The following RFWD3 variants were observed in gnomAD, a reference collection of about 807,000 sequenced individuals.
The protein encoded by RFWD3 is ring finger and WD repeat domain 3.
Under a neutral mutation model 87.7 loss-of-function variants are expected in RFWD3, and 65 were observed. The observed-to-expected ratio is 0.74, with a 90% CI of 0.61 to 0.91. The LOEUF (loss-of-function observed/expected upper bound fraction) is 0.91. RFWD3 is among the 40% of genes least tolerant of loss of function. The pLI is 0.00. For missense variants in RFWD3, 1,078 were observed against 938.5 expected (o/e 1.15, Z -1.94); for synonymous variants, 433 against 352.8 (o/e 1.23, Z -2.55).
At chr16:74,661,921 A>G (rs1961473206) in intron 1 of RFWD3, among the ~76,000 whole-genome samples, 1 of 152,236 alleles carries the variant, frequency 6.6e-6, no homozygotes, top group African/African-American at 2.4e-5. Flanking sequence ...TACACTTGCA[A>G]AATTAACTGT....
At chr16:74,642,722 G>C (rs1959767697) in intron 6 of RFWD3, among the ~76,000 whole-genome samples, 1 of 152,046 alleles carries the variant, frequency 6.6e-6, no homozygotes, top group Non-Finnish European at 1.5e-5. Flanking sequence ...CAAACTCCTG[G>C]TCTCAAGCAA....
chr16:74,637,321 A>T (rs879324176), intron 7 of RFWD3, among the ~76,000 whole-genome samples: 1 of 152,008 alleles, frequency 6.6e-6, no homozygotes, highest in Admixed American at 6.6e-5. Context: ...TGGCTATTTA[A>T]TTTTTTCTAA....
intron 6 of RFWD3, among the ~76,000 whole-genome samples, chr16:74,640,109 G>T (rs4346229): frequency 1.3e-5 from 2 of 151,790 alleles, no homozygotes; most frequent in Admixed American, 6.6e-5. Flanking sequence ...GTGGCTAAGG[G>T]GGGACTACTG....
intron 10 of RFWD3, among the ~76,000 whole-genome samples, chr16:74,629,053 G>C (rs1232152256): frequency 6.6e-5 from 10 of 152,180 alleles, no homozygotes; most frequent in Admixed American, 6.5e-4. Context: ...CCAAGTTGTA[G>C]TTGACAGACC....
intron 12 of RFWD3, among the ~76,000 whole-genome samples, 169 bp downstream of exon 12, chr16:74,626,174 T>C (rs1055080444): frequency 3.9e-5 from 6 of 152,168 alleles, no homozygotes; most frequent in East Asian, 1.9e-4. Flanking sequence ...GCACGACTCA[T>C]GGAAACCAAG....
At chr16:74,658,783 T>C (rs75946276) in intron 2 of RFWD3, among the ~76,000 whole-genome samples, 1 of 146,174 alleles carries the variant, frequency 6.8e-6, no homozygotes, top group African/African-American at 2.5e-5. Flanking sequence ...TTTTTTTTTT[T>C]TGAGACAGAG....
rs949592629 is a variant in RFWD3 at position 74,636,478 on chromosome 16, G to A, written c.1294C>T (p.His432Tyr). ...LSCSPSSQGQHKHKYHFQKTF... is the reference protein window; with the variant it reads ...LSCSPSSQGQYKHKYHFQKTF... ...TTTTGGAAGTGGTACTTGTGCTTGT[G>A]CTGGCCCTGGCTGGAGGGTGAGCAG... Residue 432 changes from histidine to tyrosine, a missense_variant, in exon 8 of 13, where the codon CAC becomes TAC. Coordinates refer to ENST00000361070, the MANE Select transcript of RFWD3 (RefSeq NM_018124.4). The A allele has an allele frequency of 1.4e-5, 23 of 1,613,952 alleles. No individual in the cohort carries two copies. Among genetic ancestry groups the A allele is most frequent in the Non-Finnish European group, 1.8e-5 (21 of 1,180,042 alleles).
At position 74,632,482 on chromosome 16, in the gene RFWD3, C is replaced by T. The variant is rs369486590; in HGVS notation, c.1577+41G>A. 6 of 1,607,204 alleles carry T rather than the reference C, an allele frequency of 3.7e-6. No homozygotes were observed. The East Asian group carries it at 8.9e-5, about 24-fold the overall frequency. ...GATACGAATTCCATGCTACTCAACA[C>T]CAAAGAGCCCAGTCTCCACCTACTT... On this transcript the variant is annotated intron_variant, in intron 9 of 12. Coordinates refer to ENST00000361070, the MANE Select transcript of RFWD3 (RefSeq NM_018124.4).
At chr16:74,633,279 GAAA>G (rs59964330) in intron 8 of RFWD3, among the ~76,000 whole-genome samples, 1 of 111,008 alleles carries the variant, frequency 9.0e-6, no homozygotes, top group Non-Finnish European at 1.9e-5. Flanking sequence ...CTCCGTCTCA[GAAA>G]AAAAAAAAAA....
intron 10 of RFWD3, among the ~76,000 whole-genome samples, chr16:74,630,268 T>C (rs150273155): frequency 1.6e-4 from 25 of 152,328 alleles, no homozygotes; most frequent in South Asian, 8.3e-4. Flanking sequence ...GCTAACATTT[T>C]TTTGTATTTT....
At chr16:74,661,787 T>C (rs1417497772) in intron 1 of RFWD3, among the ~76,000 whole-genome samples, 1 of 152,198 alleles carries the variant, frequency 6.6e-6, no homozygotes, top group Non-Finnish European at 1.5e-5. Flanking sequence ...TGCAGTTCTC[T>C]CAAGCTGAAT....
intron 8 of RFWD3, among the ~76,000 whole-genome samples, chr16:74,634,008 T>G (rs947071077): frequency 2.0e-5 from 3 of 151,980 alleles, no homozygotes; most frequent in Non-Finnish European, 2.9e-5. Flanking sequence ...ATTAAAGTTA[T>G]CTTGATTGTA....
chr16:74,661,914 A>T (rs534636282), intron 1 of RFWD3, among the ~76,000 whole-genome samples: 1 of 152,318 alleles, frequency 6.6e-6, no homozygotes, highest in African/African-American at 2.4e-5. Flanking sequence ...CATTTTTTAC[A>T]CTTGCAAAAT....
chr16:74,659,778 A>C (rs554294211), intron 2 of RFWD3, among the ~76,000 whole-genome samples: 33 of 152,356 alleles, frequency 2.2e-4, no homozygotes, highest in African/African-American at 7.7e-4. Context: ...GCACAATTCC[A>C]ATTCCAGCCT....
chr16:74,650,682 AC>A (rs545527905), intron 3 of RFWD3, among the ~76,000 whole-genome samples: 353 of 152,204 alleles, frequency 2.3e-3, no homozygotes, highest in Non-Finnish European at 4.0e-3. Context: ...TATTAAAAAA[AC>A]CTTCAAGCCT....
At position 74,626,573 on chromosome 16, in the gene RFWD3, A is replaced by G; in HGVS notation, c.1970-19T>C. On this transcript the variant is annotated intron_variant, in intron 11 of 12. Transcript: ENST00000361070. ...TTTTTATCTATGGGACAGAGAAATC[A>G]GTGCTGCACCATGGGGACGCTACAC... 3 of 1,602,002 alleles carry G rather than the reference A, an allele frequency of 1.9e-6. No individual in the cohort carries two copies. Among genetic ancestry groups the G allele is most frequent in the Non-Finnish European group, 2.6e-6 (3 of 1,169,228 alleles).
At chr16:74,641,999 T>C (rs1459206651) in intron 6 of RFWD3, among the ~76,000 whole-genome samples, 1 of 150,934 alleles carries the variant, frequency 6.6e-6, no homozygotes, top group Non-Finnish European at 1.5e-5. Context: ...TATCATACTA[T>C]GTATAATTTA....
In RFWD3 at chr16:74,644,535, C is replaced by A; in HGVS notation, c.987+6G>T. On this transcript the variant is annotated splice_donor_region_variant and intron_variant, in intron 5 of 12. Transcript: ENST00000361070. ...ATGTTAATGTGTCCTTACCTATGGT[C>A]CTTACCTGGGGACATTTTCGTACTT... The A allele has an allele frequency of 6.2e-7, 1 of 1,614,142 alleles. No homozygotes were observed. Among genetic ancestry groups the A allele is most frequent in the Admixed American group, 1.7e-5 (1 of 60,006 alleles).
At chr16:74,666,182 TTAGATAGATAGATAGATAGATAGA>T (rs112542876) in intron 1 of RFWD3, 1 of 131,324 alleles carries the variant, frequency 7.6e-6, no homozygotes, top group Admixed American at 7.2e-5. Flanking sequence ...GATAGACAGA[TTAGATAGATAGATAGATAGATAGA>T]TAGATAGATA....
Sources: gnomAD v4.1 joint callset for allele counts (sites outside exome capture counted in the v4.1 genomes callset) on GRCh38, gnomAD v4.1.1 for gene constraint, MANE v1.5 for transcripts, NCBI Gene and HGNC (gene_info 2026-07-23, HGNC 2026-07-21) for gene names.